DNAH14: variants seen among roughly 807,000 people sequenced by gnomAD.
The protein encoded by DNAH14 is dynein axonemal heavy chain 14, also known as axonemal beta dynein heavy chain 14.
A neutral mutation model predicts 520.9 loss-of-function variants in DNAH14; 478 were observed. The ratio of observed to expected loss-of-function variants is 0.92; its 90% CI spans 0.85 to 0.99. The LOEUF (loss-of-function observed/expected upper bound fraction) is 0.99. Among genes scored for constraint, DNAH14 ranks in the 50% least tolerant of loss-of-function variants. The pLI is 0.00. For synonymous variants in DNAH14, 1,581 were observed against 1,757.2 expected (o/e 0.90, Z 2.51); for missense variants, 4,831 against 5,234.5 (o/e 0.92, Z 2.38).
intron 3 of DNAH14, among the ~76,000 whole-genome samples, chr1:224,956,303 C>T (rs897766621): frequency 2.0e-5 from 3 of 152,062 alleles, no homozygotes; most frequent in Admixed American, 6.6e-5. Context: ...AATATATAGT[C>T]ATGTACTGCA....
chr1:225,107,654 C>A (rs1270279432), intron 23 of DNAH14, among the ~76,000 whole-genome samples: 1 of 152,120 alleles, frequency 6.6e-6, no homozygotes, highest in Admixed American at 6.6e-5. Flanking sequence ...CCCCACCTGC[C>A]ATGGATACCG....
At position 225,367,811 on chromosome 1, in the gene DNAH14, G is replaced by A. The variant is rs372806779; in HGVS notation, c.12097G>A (p.Val4033Met). 46 of 1,550,552 alleles carry A rather than the reference G, an allele frequency of 3.0e-5. No homozygotes were observed. Among genetic ancestry groups the A allele is most frequent in the Non-Finnish European group, 3.5e-5 (40 of 1,146,272 alleles). ...ACTCACATCTGTTTTCAAGATTGCC[G>A]TGGAATCTCCCCAGGGATTGAAAAG... ...PVLKKGLKIA[V>M]ESPQGLKSNL... Residue 4033 changes from valine (V) to methionine (M), a missense_variant, in exon 77 of 86, where the codon GTG (valine) becomes ATG (methionine). Coordinates refer to ENST00000682510, the MANE Select transcript of DNAH14 (RefSeq NM_001367479.1).
chr1:225,359,448 T>TA (rs1352870536), intron 74 of DNAH14, among the ~76,000 whole-genome samples: 1 of 90,570 alleles, frequency 1.1e-5, no homozygotes, highest in Non-Finnish European at 2.4e-5. Context: ...CTCCAAATGC[T>TA]TTTTTTTGTT....
At chr1:225,243,607 A>G (rs778486974) in intron 43 of DNAH14, among the ~76,000 whole-genome samples, 12 of 152,222 alleles carry the variant, frequency 7.9e-5, no homozygotes, top group Non-Finnish European at 1.5e-4. Flanking sequence ...TGAATTACGG[A>G]ACAACATGTA....
At chr1:225,304,846 T>A in intron 57 of DNAH14, 62 bp from the exon 58 acceptor site, 1 of 1,364,762 alleles carries the variant, frequency 7.3e-7, no homozygotes, top group Non-Finnish European at 9.8e-7. Context: ...AGTGTTCAAC[T>A]TTCTCTTTTT....
Position 225,132,728 on chromosome 1 carries a change from C to T in DNAH14, c.4255-8040C>T, listed in dbSNP as rs181636268. On this transcript the variant is annotated intron_variant, in intron 27 of 85. Coordinates refer to ENST00000682510, the MANE Select transcript of DNAH14 (RefSeq NM_001367479.1). ...TAGAATGATTTATATTTTTTGAGTA[C>T]GTACCCAGTAATGGGATTGCTGGAT... Among the ~76,000 whole-genome samples, 163 of 152,172 alleles carry T rather than the reference C, an allele frequency of 1.1e-3. 1 individual carries two copies. The highest frequency in any genetic ancestry group is 7.8e-4 in the Non-Finnish European group (53 of 68,004).
At chr1:225,312,194 T>C (rs986423434) in intron 60 of DNAH14, among the ~76,000 whole-genome samples, 41 of 152,298 alleles carry the variant, frequency 2.7e-4, no homozygotes, top group Admixed American at 7.8e-4. Flanking sequence ...AGGTATTTTA[T>C]TCTTTTTGTA....
At chr1:225,193,357 C>T (rs1289448117) in intron 38 of DNAH14, among the ~76,000 whole-genome samples, 1 of 151,960 alleles carries the variant, frequency 6.6e-6, no homozygotes, top group Non-Finnish European at 1.5e-5. Context: ...TGGTAAATAT[C>T]ATTAGATAAA....
intron 41 of DNAH14, among the ~76,000 whole-genome samples, chr1:225,211,002 A>T (rs2088316960): frequency 6.6e-6 from 1 of 152,236 alleles, no homozygotes; most frequent in Non-Finnish European, 1.5e-5. Context: ...TCTGAAGGTC[A>T]CCAGCATCAA....
intron 38 of DNAH14, among the ~76,000 whole-genome samples, chr1:225,193,282 C>T (rs1340859236): frequency 6.6e-6 from 1 of 152,034 alleles, no homozygotes; most frequent in East Asian, 1.9e-4. Flanking sequence ...CAAAATTCAT[C>T]ACAGAATAGA....
At chr1:225,203,625 C>T (rs1385751100) in intron 38 of DNAH14, among the ~76,000 whole-genome samples, 1 of 152,130 alleles carries the variant, frequency 6.6e-6, no homozygotes, top group Non-Finnish European at 1.5e-5. Flanking sequence ...ATACATACAT[C>T]AGAATTTCTC....
intron 4 of DNAH14, 95 bp downstream of exon 4, chr1:224,960,397 A>G (rs2060772914): frequency 7.8e-7 from 1 of 1,288,536 alleles, no homozygotes; most frequent in Middle Eastern, 2.0e-4. Flanking sequence ...TGACTTTAGA[A>G]AAAACAGTCT....
At chr1:225,302,257 G>T (rs2094153151) in intron 56 of DNAH14, among the ~76,000 whole-genome samples, 2 of 151,598 alleles carry the variant, frequency 1.3e-5, no homozygotes, top group African/African-American at 4.8e-5. Context: ...GAAGTTTTGG[G>T]AATGCGTAAA....
intron 41 of DNAH14, among the ~76,000 whole-genome samples, chr1:225,213,957 G>A (rs1214515678): frequency 1.3e-5 from 2 of 152,138 alleles, no homozygotes; most frequent in African/African-American, 4.8e-5. Context: ...GAATAGGAGT[G>A]GTGACAGAGG....
intron 73 of DNAH14, chr1:225,354,378 TG>T (rs2095407619): frequency 3.1e-6 from 2 of 644,954 alleles, no homozygotes; most frequent in Non-Finnish European, 2.8e-6. Context: ...AGGATATTTT[TG>T]CCCAGCACCT....
intron 43 of DNAH14, among the ~76,000 whole-genome samples, chr1:225,246,453 C>T (rs548111986): frequency 5.3e-5 from 8 of 151,928 alleles, no homozygotes; most frequent in Middle Eastern, 3.4e-3. Context: ...ACCTACAGAA[C>T]GGGAGAAAAT....
chr1:225,265,507 G>A, intron 48 of DNAH14, 138 bp downstream of exon 48: 1 of 659,348 alleles, frequency 1.5e-6, no homozygotes, highest in Non-Finnish European at 2.4e-6. Flanking sequence ...ATGTATAACA[G>A]AAACTTTGAT....
At chr1:224,938,909 G>A (rs565132593) in intron 1 of DNAH14, among the ~76,000 whole-genome samples, 1 of 151,666 alleles carries the variant, frequency 6.6e-6, no homozygotes, top group Non-Finnish European at 1.5e-5. Context: ...AGGCTATTAT[G>A]CTAAGTGAAA....
rs764958406 is a variant in DNAH14 at position 225,388,347 on chromosome 1, A to C, written c.13078-32A>C. 4 of 1,388,142 alleles carry C rather than the reference A, an allele frequency of 2.9e-6. No individual in the cohort carries two copies. The African/African-American group carries it at 4.3e-5, about 15-fold the overall frequency. The allele number at this position is 1,388,142 out of a possible 1,614,324, so 86.0% of individuals were successfully genotyped here. A position where few individuals can be genotyped will look rare whatever the true frequency, so the allele number is the denominator to read the frequency against. On this transcript the variant is annotated intron_variant, in intron 81 of 85. Coordinates refer to ENST00000682510, the MANE Select transcript of DNAH14 (RefSeq NM_001367479.1). ...CTAATGACCCCAAAGACAAAGAAAA[A>C]AAATGATGTGACTGTCTTTAAATCC...
Sources: gnomAD v4.1 joint callset for allele counts (sites outside exome capture counted in the v4.1 genomes callset) on GRCh38, gnomAD v4.1.1 for gene constraint, MANE v1.5 for transcripts, NCBI Gene and HGNC (gene_info 2026-07-23, HGNC 2026-07-21) for gene names.